CECR2: variants seen among roughly 807,000 people sequenced by gnomAD.
The protein encoded by CECR2 is chromatin remodeling regulator CECR2.
CECR2 carries 30 observed loss-of-function variants against 154.5 expected under a neutral mutation model. The ratio of observed to expected loss-of-function variants is 0.19; its 90% CI spans 0.15 to 0.26. CECR2 has a LOEUF of 0.26. Ranked by LOEUF, CECR2 falls within the 10% of genes least tolerant of loss-of-function variation. CECR2 has a pLI of 1.00. For synonymous variants in CECR2, 725 were observed against 683.7 expected (o/e 1.06, Z -0.94); for missense variants, 1,743 against 1,829.3 (o/e 0.95, Z 0.86).
chr22:17,413,110 C>T (rs187427098), intron 1 of CECR2, among the ~76,000 whole-genome samples: 1 of 152,226 alleles, frequency 6.6e-6, no homozygotes, highest in African/African-American at 2.4e-5. Context: ...CTTTTGTCTT[C>T]CTGGAGTCAG....
intron 8 of CECR2, 90 bp downstream of exon 8, chr22:17,511,986 C>T: frequency 9.9e-7 from 1 of 1,007,264 alleles, no homozygotes; most frequent in Non-Finnish European, 1.4e-6. Flanking sequence ...TTTTTATTTT[C>T]CTTCATTTTT....
At position 17,377,575 on chromosome 22, in the gene CECR2, GT is replaced by G. The variant is rs201943780; in HGVS notation, c.126+7667del. Among the ~76,000 whole-genome samples the G allele has an allele frequency of 9.6e-3, 1,462 of 152,040 alleles. 37 individuals are homozygous for G. Among genetic ancestry groups the G allele is most frequent in the African/African-American group, 0.033 (1,386 of 41,446 alleles). On this transcript the variant is annotated intron_variant, in intron 1 of 18. Transcript: ENST00000262608. ...ACTGCCTTTGGCTTCCTTTCACTTAGTCTGTTTCTTATATCTCATGTCATCA... is the reference window on the plus strand; with the variant it reads ...ACTGCCTTTGGCTTCCTTTCACTTAGCTGTTTCTTATATCTCATGTCATCA...
At chr22:17,511,541 T>C (rs2055953104) in intron 7 of CECR2, among the ~76,000 whole-genome samples, 1 of 151,760 alleles carries the variant, frequency 6.6e-6, no homozygotes, top group Admixed American at 6.6e-5. Context: ...TTTTACTGTT[T>C]AAACTGTTAA....
intron 1 of CECR2, among the ~76,000 whole-genome samples, chr22:17,411,255 C>T (rs2054064669): frequency 1.3e-5 from 2 of 152,118 alleles, no homozygotes; most frequent in Admixed American, 1.3e-4. Flanking sequence ...TTCTACCTGC[C>T]TTATGGGAAG....
Position 17,542,691 on chromosome 22 carries a change from C to G in CECR2, c.2548C>G (p.Arg850Gly). ...MRPPCKSAGH[R>G]LQPPPVPAPS... is the part of the protein sequence containing the mutation. ...ACCGCCCTGCAAGTCTGCCGGACATCGGTTACAGCCACCTCCAGTGCCAGC... is the reference window on the plus strand; with the variant it reads ...ACCGCCCTGCAAGTCTGCCGGACATGGGTTACAGCCACCTCCAGTGCCAGC... The change falls in exon 16 of 19, where the codon CGG becomes GGG. Residue 850 changes from arginine to glycine, a missense_variant. By Grantham distance (125) the Arg-to-Gly change is moderately radical. Coordinates refer to ENST00000262608, the MANE Select transcript of CECR2 (RefSeq NM_001290047.2). The G allele has an allele frequency of 1.9e-6, 3 of 1,614,040 alleles. No homozygotes were observed. Among genetic ancestry groups the G allele is most frequent in the Non-Finnish European group, 2.5e-6 (3 of 1,179,912 alleles).
intron 1 of CECR2, among the ~76,000 whole-genome samples, chr22:17,428,105 G>A (rs909018136): frequency 3.3e-5 from 5 of 152,194 alleles, no homozygotes; most frequent in Admixed American, 2.6e-4. Flanking sequence ...TCATGTGTCT[G>A]TAGGCTGCAT....
At chr22:17,498,224 A>G (rs184672052) in intron 3 of CECR2, among the ~76,000 whole-genome samples, 1 of 152,194 alleles carries the variant, frequency 6.6e-6, no homozygotes, top group Admixed American at 6.5e-5. Context: ...TCCCGTCTCC[A>G]CTAAAAGTAA....
intron 2 of CECR2, among the ~76,000 whole-genome samples, chr22:17,481,570 T>G (rs1180982931): frequency 2.0e-5 from 3 of 152,100 alleles, no homozygotes; most frequent in Non-Finnish European, 4.4e-5. Flanking sequence ...GGTTTGCATG[T>G]TTTAGAACAG....
chr22:17,543,083 T>A (rs887013360), intron 16 of CECR2, 80 bp downstream of exon 16: 22 of 1,393,222 alleles, frequency 1.6e-5, no homozygotes, highest in Non-Finnish European at 2.0e-5. Context: ...AAACCAAGTG[T>A]AATCTGGTTC....
rs1329317161 is a variant in CECR2 at position 17,553,140 on chromosome 22, T to C, written c.*300T>C. 5.1e-6 allele frequency: 2 copies of C among 390,954 alleles called. No homozygotes were observed. Among genetic ancestry groups the C allele is most frequent in the Non-Finnish European group, 8.3e-6 (2 of 242,140 alleles). 24.2% of individuals were successfully genotyped at this position (390,954 alleles called of 1,614,324 possible). On this transcript the variant is annotated 3_prime_UTR_variant, in exon 19 of 19. Coordinates refer to ENST00000262608, the MANE Select transcript of CECR2 (RefSeq NM_001290047.2). ...GACTTTTCCAAATCCTGAGACACTTTTCAGGGAAAATCACTTTAAACTTGG... is the reference window on the plus strand; with the variant it reads ...GACTTTTCCAAATCCTGAGACACTTCTCAGGGAAAATCACTTTAAACTTGG...
At chr22:17,552,774 G>GGTTTTTT (rs1555944496) in intron 18 of CECR2, 61 bp from the exon 19 acceptor site, 14 of 943,720 alleles carry the variant, frequency 1.5e-5, no homozygotes, top group African/African-American at 4.6e-5. Context: ...GCTTACTTAA[G>GGTTTTTT]TTTTTTTTTT....
At chr22:17,454,602 C>A (rs1331681045) in intron 1 of CECR2, among the ~76,000 whole-genome samples, 1 of 132,518 alleles carries the variant, frequency 7.5e-6, no homozygotes, top group African/African-American at 3.3e-5. Flanking sequence ...GAGACTCCGT[C>A]TCAAAAAAAA....
chr22:17,535,617 G>A (rs1427184657), intron 9 of CECR2, among the ~76,000 whole-genome samples: 2 of 151,624 alleles, frequency 1.3e-5, no homozygotes, highest in African/African-American at 4.9e-5. Flanking sequence ...AAGTTTGACA[G>A]GTTGGGTGAT....
At chr22:17,502,234 A>T (rs1312466244) in intron 5 of CECR2, among the ~76,000 whole-genome samples, 3 of 152,150 alleles carry the variant, frequency 2.0e-5, no homozygotes, top group Non-Finnish European at 2.9e-5. Flanking sequence ...CTGAGGTCAC[A>T]TTGTAAGTGG....
chr22:17,427,220 C>A (rs1041689906), intron 1 of CECR2, among the ~76,000 whole-genome samples: 4 of 152,076 alleles, frequency 2.6e-5, no homozygotes, highest in African/African-American at 9.7e-5. Context: ...GCATATTATT[C>A]CATAGTGTAT....
chr22:17,440,148 A>G (rs932479908), intron 1 of CECR2, among the ~76,000 whole-genome samples: 21 of 152,110 alleles, frequency 1.4e-4, no homozygotes, highest in Admixed American at 1.0e-3. Flanking sequence ...AGGAAAGAAA[A>G]TTGTATACAA....
At position 17,542,815 on chromosome 22, in the gene CECR2, T is replaced by C. The variant is rs748190052; in HGVS notation, c.2672T>C (p.Leu891Pro). The change falls in exon 16 of 19, where the codon CTC (leucine) becomes CCC (proline). Residue 891 changes from leucine (L) to proline (P), a missense_variant. Around this residue, in one of 4 missense-constraint regions of CECR2, gnomAD observed 1,250 missense variants for 1,192.1 expected, o/e 1.05. Transcript: ENST00000262608. ...CCAGAGATGATTGCGATGCAGCAGC[T>C]CTCCTCCCGCGTCTGCCCCCCAGGT... is the stretch of plus-strand genomic sequence containing the variant. ...DSPEMIAMQQ[L>P]SSRVCPPGVP... 6.2e-7 allele frequency: 1 copy of C among 1,613,660 alleles called. No homozygotes were observed. The highest frequency in any genetic ancestry group is 1.1e-5 in the South Asian group (1 of 91,066).
intron 1 of CECR2, among the ~76,000 whole-genome samples, chr22:17,384,607 A>T (rs2063237514): frequency 6.6e-6 from 1 of 152,188 alleles, no homozygotes; most frequent in Non-Finnish European, 1.5e-5. Flanking sequence ...GGCTTAAAAT[A>T]CTGACTAAAC....
In CECR2 at chr22:17,530,768, A is replaced by G. The variant is rs1280689081; in HGVS notation, c.1109-6335A>G. ...TAAAAGGAGAACCTGAATGCAGTATACACTTAGAATGGGGTGTTATTCAGC... is the reference window on the plus strand; with the variant it reads ...TAAAAGGAGAACCTGAATGCAGTATGCACTTAGAATGGGGTGTTATTCAGC... On this transcript the variant is annotated intron_variant, in intron 9 of 18. Transcript: ENST00000262608. Among the ~76,000 whole-genome samples the G allele has an allele frequency of 3.9e-5, 6 of 152,188 alleles. No individual in the cohort carries two copies. In the East Asian group the frequency reaches 1.2e-3, roughly 29 times the overall value.
Sources: allele counts gnomAD v4.1 joint callset (sites outside exome capture counted in the v4.1 genomes callset), GRCh38; gene constraint gnomAD v4.1.1; regional missense constraint gnomAD v4.1.1; transcripts MANE v1.5; gene names NCBI Gene and HGNC (gene_info 2026-07-23, HGNC 2026-07-21).